UNC13A: variants seen among roughly 807,000 people sequenced by gnomAD.
UNC13A encodes the protein protein unc-13 homolog A.
Under a neutral mutation model 219.7 loss-of-function variants are expected in UNC13A, and 61 were observed. The ratio of observed to expected loss-of-function variants is 0.28; its 90% CI spans 0.23 to 0.34. The LOEUF (loss-of-function observed/expected upper bound fraction) is 0.34. UNC13A is among the 10% of genes least tolerant of loss of function. The pLI, the probability that UNC13A is intolerant of heterozygous loss-of-function variation, is 1.00. For missense variants in UNC13A, 1,476 were observed against 2,270.3 expected (o/e 0.65, Z 7.11); for synonymous variants, 920 against 884.6 (o/e 1.04, Z -0.71).
rs1234656726 is a variant in UNC13A at position 17,649,691 on chromosome 19, G to T, written c.1440-104C>A. On this transcript the variant is annotated intron_variant, in intron 12 of 43. Transcript: ENST00000519716. The surrounding 1 kb of genome is among the most constrained non-coding windows in gnomAD (Gnocchi z 4.4). ...CCCCAGGTGTTAAGGGGTTGAATTG[G>T]GTCCCTCAAAAAAAAGATACGCTGA... 2 of 1,307,490 alleles carry T rather than the reference G, an allele frequency of 1.5e-6. No individual in the cohort carries two copies. The highest frequency in any genetic ancestry group is 2.9e-5 in the African/African-American group (2 of 68,032). 81.0% of individuals were successfully genotyped at this position (1,307,490 alleles called of 1,614,324 possible).
chr19:17,640,158 C>T (rs985528678), intron 22 of UNC13A, among the ~76,000 whole-genome samples: 27 of 152,132 alleles, frequency 1.8e-4, no homozygotes, highest in Non-Finnish European at 2.8e-4. Context: ...CCTCAGCCTC[C>T]CAAGTGGCTG....
chr19:17,621,734 C>T lies in UNC13A; in HGVS notation c.4242+98G>A. On this transcript the variant is annotated intron_variant, in intron 37 of 43. Coordinates refer to ENST00000519716, the MANE Select transcript of UNC13A (RefSeq NM_001080421.3). ...AGAGCTATCTCCTACCCACGACCCC[C>T]AGCTGCCCTTCCTGCCCAGGTGCAC... 5 of 1,334,392 alleles carry T rather than the reference C, an allele frequency of 3.7e-6. No homozygotes were observed. The South Asian group carries it at 4.7e-5, about 13-fold the overall frequency. 82.7% of individuals were successfully genotyped at this position (1,334,392 alleles called of 1,614,324 possible).
chr19:17,654,633 C>T (rs755530615), intron 11 of UNC13A, among the ~76,000 whole-genome samples: 12 of 152,278 alleles, frequency 7.9e-5, no homozygotes, highest in Non-Finnish European at 1.5e-4. Context: ...TCTAAACAGT[C>T]AGCTTGCCCC....
intron 1 of UNC13A, among the ~76,000 whole-genome samples, chr19:17,677,238 G>A (rs939549005): frequency 1.3e-5 from 2 of 151,810 alleles, no homozygotes; most frequent in Non-Finnish European, 2.9e-5. Context: ...AGTTTCCATT[G>A]CCAACACCTC....
chr19:17,653,158 C>G (rs1367734600), intron 11 of UNC13A, among the ~76,000 whole-genome samples: 1 of 151,944 alleles, frequency 6.6e-6, no homozygotes, highest in Non-Finnish European at 1.5e-5. Context: ...ACACAGGCAG[C>G]ACTCTTCTGT....
chr19:17,640,240 T>C (rs2076954382), intron 22 of UNC13A, among the ~76,000 whole-genome samples: 1 of 152,170 alleles, frequency 6.6e-6, no homozygotes, highest in Non-Finnish European at 1.5e-5. Context: ...GTTTTCACCG[T>C]GTTGGCCAGG....
intron 25 of UNC13A, among the ~76,000 whole-genome samples, chr19:17,637,719 A>G (rs536374073): frequency 4.6e-5 from 7 of 151,788 alleles, no homozygotes; most frequent in African/African-American, 1.5e-4. Context: ...TGAGAGTGAG[A>G]CTGATTCCAA....
chr19:17,611,245 G>A (rs1001321941), intron 42 of UNC13A, among the ~76,000 whole-genome samples: 4 of 152,046 alleles, frequency 2.6e-5, no homozygotes, highest in East Asian at 1.9e-4. Flanking sequence ...GTGCAGTGGC[G>A]CAATCTCAGC....
intron 25 of UNC13A, among the ~76,000 whole-genome samples, chr19:17,636,617 G>A (rs1289673056): frequency 6.6e-6 from 1 of 152,120 alleles, no homozygotes; most frequent in Non-Finnish European, 1.5e-5. Flanking sequence ...TAATCAACTT[G>A]TCCAAGATCA....
At chr19:17,642,443 C>T (rs773824750) in intron 20 of UNC13A, among the ~76,000 whole-genome samples, 5 of 152,346 alleles carry the variant, frequency 3.3e-5, no homozygotes, top group African/African-American at 4.8e-5. Flanking sequence ...TTTATCTACT[C>T]ATCACTCATT....
intron 36 of UNC13A, chr19:17,622,453 C>T (rs1367814590): frequency 6.5e-6 from 1 of 152,766 alleles, no homozygotes; most frequent in Non-Finnish European, 1.5e-5. Flanking sequence ...TTCCTTTATT[C>T]CCCCTGCCTA....
At chr19:17,688,089 C>G in intron 1 of UNC13A, 89 bp downstream of exon 1, 2 of 1,467,792 alleles carry the variant, frequency 1.4e-6, no homozygotes. Flanking sequence ...GGGTCACCCC[C>G]CAGGAACCCC....
intron 25 of UNC13A, among the ~76,000 whole-genome samples, chr19:17,638,095 C>G (rs954713262): frequency 7.6e-6 from 1 of 130,776 alleles, no homozygotes; most frequent in African/African-American, 3.0e-5. Context: ...CTGCCTCCAG[C>G]TCCCACAGCC....
chr19:17,682,909 C>T (rs2080045130), intron 1 of UNC13A, among the ~76,000 whole-genome samples: 2 of 151,944 alleles, frequency 1.3e-5, no homozygotes, highest in Non-Finnish European at 2.9e-5. Context: ...ACTAAAAATA[C>T]AAAAAATTAG....
At chr19:17,619,434 TTTTC>T (rs199820011) in intron 38 of UNC13A, among the ~76,000 whole-genome samples, 3,259 of 109,532 alleles carry the variant, frequency 0.03, 69 homozygotes, top group Non-Finnish European at 0.045. Context: ...CTGATTTTTC[TTTTC>T]TTTTTTTTTT....
At position 17,652,579 on chromosome 19, in the gene UNC13A, T is replaced by G. The variant is rs2079369185; in HGVS notation, c.1439+52A>C. 14 of 1,612,534 alleles carry G rather than the reference T, an allele frequency of 8.7e-6. No individual in the cohort carries two copies. In the South Asian group the frequency reaches 1.5e-4, roughly 18 times the overall value. Reference sequence around the variant, plus strand: ...GCTGAGGCTCAGGCGCAAACCAGCCTTGGACTTGGGGTTCAAATCTTCCTC... The same window carrying G: ...GCTGAGGCTCAGGCGCAAACCAGCCGTGGACTTGGGGTTCAAATCTTCCTC... On this transcript the variant is annotated intron_variant, in intron 12 of 43. Transcript: ENST00000519716.
At position 17,614,664 on chromosome 19, in the gene UNC13A, A is replaced by T. The variant is rs2076642736; in HGVS notation, c.4559-2809T>A. ...ATTGGGTTACCTCACGCTGGACAGG[A>T]AGTGACTGAGGGTTGGGGAGCACAG... On this transcript the variant is annotated intron_variant, in intron 41 of 43. Transcript: ENST00000519716. 2.0e-5 allele frequency among the ~76,000 whole-genome samples: 3 copies of T among 152,054 alleles called. No homozygotes were observed. In the South Asian group the frequency reaches 6.2e-4, roughly 31 times the overall value.
chr19:17,602,223 C>G lies in UNC13A; in HGVS notation c.*3831G>C. On this transcript the variant is annotated 3_prime_UTR_variant, in exon 44 of 44. Coordinates refer to ENST00000519716, the MANE Select transcript of UNC13A (RefSeq NM_001080421.3). ...AAGAGTGAACAGATCCTTCTTTCTT[C>G]AGGACACCCTCTTTACTTCCCCCGA... The G allele has an allele frequency of 6.5e-6, 1 of 152,812 alleles. No individual in the cohort carries two copies. Among genetic ancestry groups the G allele is most frequent in the Non-Finnish European group, 1.5e-5 (1 of 68,132 alleles). 9.5% of individuals were successfully genotyped at this position (152,812 alleles called of 1,614,324 possible).
chr19:17,662,874 C>G (rs537167025), intron 8 of UNC13A, among the ~76,000 whole-genome samples: 2 of 146,492 alleles, frequency 1.4e-5, no homozygotes, highest in African/African-American at 2.5e-5. Context: ...GAGCTGAGAT[C>G]GTGCCACTGC....
Sources: allele counts gnomAD v4.1 joint callset (sites outside exome capture counted in the v4.1 genomes callset), GRCh38; gene constraint gnomAD v4.1.1; non-coding constraint Gnocchi (gnomAD v3.1); transcripts MANE v1.5; gene names NCBI Gene and HGNC (gene_info 2026-07-23, HGNC 2026-07-21).